Variants in FAM227B observed in about 807,000 individuals in gnomAD.
FAM227B encodes the protein family with sequence similarity 227 member B.
A neutral mutation model predicts 73.8 loss-of-function variants in FAM227B; 88 were observed. The observed-to-expected ratio is 1.19, with a 90% CI of 1.00 to 1.42. The LOEUF is 1.42. Among genes scored for constraint, FAM227B ranks in the 40% most tolerant of loss-of-function variants. The probability of loss-of-function intolerance (pLI) is 0.00; values close to 1 mark genes in which losing one functional copy is unlikely to be tolerated. For missense variants in FAM227B, 632 were observed against 590.9 expected, an observed-to-expected ratio of 1.07 and a Z score of -0.72; for synonymous variants, 210 against 190.5, an observed-to-expected ratio of 1.10 and a Z score of -0.84.
At chr15:49,516,543 G>T (rs1274619704) in intron 10 of FAM227B, among the ~76,000 whole-genome samples, 1 of 151,914 alleles carries the variant, frequency 6.6e-6, no homozygotes, top group Non-Finnish European at 1.5e-5. Flanking sequence ...AGAAGGGAGG[G>T]AGCAATATAT....
chr15:49,372,585 G>A (rs1250009710), intron 11 of FAM227B, among the ~76,000 whole-genome samples: 1 of 152,076 alleles, frequency 6.6e-6, no homozygotes, highest in Non-Finnish European at 1.5e-5. Flanking sequence ...CCTTTCAACT[G>A]GCATGAATAT....
rs559462146 is a variant in FAM227B, at chr15:49,570,891, TTAA to T, written c.646-2548_646-2546del. Reference sequence around the variant, plus strand: ...ATTACATATGCATTTATATAATTTATTAATATTATTATGAATATATTTAATATT... The same window carrying T: ...ATTACATATGCATTTATATAATTTATTATTATTATGAATATATTTAATATT... On this transcript the variant is annotated intron_variant, in intron 8 of 15. Transcript: ENST00000299338. Among the ~76,000 whole-genome samples, 156 of 147,668 alleles carry T rather than the reference TTAA, an allele frequency of 1.1e-3. 5 individuals are homozygous for T. The South Asian group carries it at 0.027, about 25-fold the overall frequency.
chr15:49,524,825 G>A (rs1452621476), intron 10 of FAM227B, among the ~76,000 whole-genome samples: 2 of 152,212 alleles, frequency 1.3e-5, no homozygotes, highest in African/African-American at 4.8e-5. Context: ...GGAGCTTTGA[G>A]ATTTGACTCC....
At chr15:49,469,704 T>C (rs774807804) in intron 11 of FAM227B, among the ~76,000 whole-genome samples, 79 of 152,230 alleles carry the variant, frequency 5.2e-4, no homozygotes, top group Non-Finnish European at 8.8e-4. Context: ...TAATTAGCAG[T>C]TGTCAGAGAA....
intron 3 of FAM227B, among the ~76,000 whole-genome samples, chr15:49,604,941 CCTTT>C (rs539649115): frequency 7.6e-4 from 116 of 151,948 alleles, no homozygotes; most frequent in Non-Finnish European, 1.4e-3. Context: ...TACTTTTGTT[CCTTT>C]ATTGTTTTCC....
chr15:49,551,863 A>C (rs1255728279), intron 9 of FAM227B, among the ~76,000 whole-genome samples: 1 of 152,242 alleles, frequency 6.6e-6, no homozygotes, highest in African/African-American at 2.4e-5. Context: ...ACAAACTAAT[A>C]AAAACTCAAT....
In FAM227B at chr15:49,576,770, G is replaced by T. The variant is rs778821824; in HGVS notation, c.517C>A (p.Leu173Ile). The T allele has an allele frequency of 1.9e-6, 3 of 1,606,252 alleles. No homozygotes were observed. Among genetic ancestry groups the T allele is most frequent in the South Asian group, 2.2e-5 (2 of 90,732 alleles). Reference protein sequence around the residue: ...PRHLDAEQIYLFILKAHNFDE... With the variant: ...PRHLDAEQIYIFILKAHNFDE... ...AAATTATGGGCTTTTAAAATAAAAA[G>T]ATAAATTTGTTCAGCATCCAAATGT... is the stretch of plus-strand genomic sequence containing the variant. Residue 173 changes from leucine (L) to isoleucine (I), a missense_variant, in exon 7 of 16, where the codon CTT becomes ATT. Physicochemically the swap from Leu to Ile is conservative, Grantham distance 5. Transcript: ENST00000299338.
intron 9 of FAM227B, among the ~76,000 whole-genome samples, chr15:49,544,297 A>T (rs918672924): frequency 3.9e-5 from 6 of 151,934 alleles, no homozygotes; most frequent in Non-Finnish European, 7.4e-5. Flanking sequence ...TCTTCATTTG[A>T]TTCTCAGCTT....
chr15:49,545,701 G>GT (rs1267851526), intron 9 of FAM227B, among the ~76,000 whole-genome samples: 1 of 152,042 alleles, frequency 6.6e-6, no homozygotes, highest in Non-Finnish European at 1.5e-5. Flanking sequence ...CAGTATTACT[G>GT]TTCAGTTCAA....
intron 3 of FAM227B, among the ~76,000 whole-genome samples, chr15:49,598,239 ATTG>A (rs1303643083): frequency 6.6e-6 from 1 of 151,852 alleles, no homozygotes; most frequent in Non-Finnish European, 1.5e-5. Context: ...TGTAAAAGAG[ATTG>A]TTTTCTTGAT....
chr15:49,349,258 T>C (rs1287779961), intron 13 of FAM227B, among the ~76,000 whole-genome samples: 1 of 152,198 alleles, frequency 6.6e-6, no homozygotes, highest in Non-Finnish European at 1.5e-5. Context: ...TACTCATTCA[T>C]GTGAAACAAA....
chr15:49,578,479 T>TAGATAGAC (rs1164724694), intron 5 of FAM227B, among the ~76,000 whole-genome samples: 25 of 152,178 alleles, frequency 1.6e-4, no homozygotes, highest in African/African-American at 4.8e-4. Context: ...CATAGATAGA[T>TAGATAGAC]AGATAGATAG....
At chr15:49,614,616 A>G (rs1054572107) in intron 2 of FAM227B, among the ~76,000 whole-genome samples, 1 of 152,194 alleles carries the variant, frequency 6.6e-6, no homozygotes. Flanking sequence ...AAACTTGAGA[A>G]AGTTACATTG....
chr15:49,470,245 T>TAACGCTGGG (rs138845822), intron 11 of FAM227B, among the ~76,000 whole-genome samples: 3 of 151,548 alleles, frequency 2.0e-5, no homozygotes, highest in Admixed American at 1.3e-4. Context: ...TATAATTCTT[T>TAACGCTGGG]AACACTGGGA....
At chr15:49,550,032 C>A (rs1198893202) in intron 9 of FAM227B, among the ~76,000 whole-genome samples, 1 of 134,438 alleles carries the variant, frequency 7.4e-6, no homozygotes, top group African/African-American at 2.7e-5. Context: ...ACCTCCCTCC[C>A]GGACGGGGCG....
At chr15:49,513,350 G>C (rs1043352168) in intron 10 of FAM227B, among the ~76,000 whole-genome samples, 1 of 152,188 alleles carries the variant, frequency 6.6e-6, no homozygotes, top group Non-Finnish European at 1.5e-5. Flanking sequence ...TTTCTCTAAT[G>C]ATCAGTGATG....
intron 11 of FAM227B, among the ~76,000 whole-genome samples, chr15:49,405,334 C>T (rs895441283): frequency 1.3e-5 from 2 of 152,148 alleles, no homozygotes; most frequent in Non-Finnish European, 2.9e-5. Context: ...TGAATGATAT[C>T]CTGAAATATG....
At chr15:49,575,142 G>C in intron 7 of FAM227B, 33 bp from the exon 8 acceptor site, 3 of 1,136,518 alleles carry the variant, frequency 2.6e-6, no homozygotes, top group Non-Finnish European at 3.9e-6. Flanking sequence ...GATGCATGGA[G>C]ATTAAAATAT....
intron 14 of FAM227B, among the ~76,000 whole-genome samples, chr15:49,332,692 A>C (rs1336304555): frequency 6.6e-6 from 1 of 152,240 alleles, no homozygotes; most frequent in African/African-American, 2.4e-5. Context: ...AATATTTAAA[A>C]ACTATTTTTC....
Sources: gnomAD v4.1 joint callset for allele counts (sites outside exome capture counted in the v4.1 genomes callset) on GRCh38, gnomAD v4.1.1 for gene constraint, MANE v1.5 for transcripts, NCBI Gene and HGNC (gene_info 2026-07-23, HGNC 2026-07-21) for gene names.